The following TBC1D4 variants were observed in gnomAD, a reference collection of about 807,000 sequenced individuals.
TBC1D4 encodes TBC (Tre-2, BUB2, CDC16) domain-containing protein.
In TBC1D4, 121 loss-of-function variants were observed where a neutral mutation model predicts 142.5. The observed-to-expected ratio is 0.85, with a 90% CI of 0.73 to 0.99. The LOEUF (loss-of-function observed/expected upper bound fraction) is 0.99. Among genes scored for constraint, TBC1D4 ranks in the 50% least tolerant of loss-of-function variants. The pLI is 0.00. For missense variants in TBC1D4, 1,475 were observed against 1,606.6 expected (o/e 0.92, Z 1.40); for synonymous variants, 630 against 628.2 (o/e 1.00, Z -0.04).
intron 11 of TBC1D4, among the ~76,000 whole-genome samples, chr13:75,321,849 T>C (rs1396227554): frequency 3.3e-5 from 5 of 152,112 alleles, no homozygotes; most frequent in Admixed American, 6.5e-5. Context: ...GAATACTAAA[T>C]AGCAATAAAA....
At chr13:75,352,045 C>T (rs1278032951) in intron 4 of TBC1D4, among the ~76,000 whole-genome samples, 1 of 152,180 alleles carries the variant, frequency 6.6e-6, no homozygotes, top group Non-Finnish European at 1.5e-5. Flanking sequence ...TGTCCCTAGG[C>T]TGAATGATGC....
At chr13:75,425,817 C>T (rs1886351131) in intron 1 of TBC1D4, among the ~76,000 whole-genome samples, 1 of 151,984 alleles carries the variant, frequency 6.6e-6, no homozygotes, top group South Asian at 2.1e-4. Context: ...AGTGTAGAGG[C>T]ACTGATAAGA....
chr13:75,334,450 T>C (rs1263713276), intron 8 of TBC1D4, among the ~76,000 whole-genome samples: 1 of 131,796 alleles, frequency 7.6e-6, no homozygotes, highest in Non-Finnish European at 1.8e-5. Flanking sequence ...ACATATATAT[T>C]TCTATATGAT....
At chr13:75,480,817 G>C (rs968164257) in intron 1 of TBC1D4, among the ~76,000 whole-genome samples, 1 of 152,172 alleles carries the variant, frequency 6.6e-6, no homozygotes, top group Non-Finnish European at 1.5e-5. Context: ...TTGAGAACTA[G>C]TGAGGACCTC....
Position 75,294,403 on chromosome 13 carries a change from A to G in TBC1D4, c.3316+451T>C, listed in dbSNP as rs141626654. 1.5e-4 allele frequency among the ~76,000 whole-genome samples: 23 copies of G among 152,360 alleles called. No individual in the cohort carries two copies. In the East Asian group the frequency reaches 4.2e-3, roughly 28 times the overall value. On this transcript the variant is annotated intron_variant, in intron 18 of 20. Coordinates refer to ENST00000377636, the MANE Select transcript of TBC1D4 (RefSeq NM_014832.5). ...CAGGATGTAAAGTTATTCTGTTAAC[A>G]ACAAAAAGTCAGGTTAAGAAATGCC...
chr13:75,309,174 A>T (rs1877492461), intron 14 of TBC1D4, among the ~76,000 whole-genome samples: 1 of 152,162 alleles, frequency 6.6e-6, no homozygotes, highest in South Asian at 2.1e-4. Context: ...TCCCAAAATA[A>T]TGAAATTTAT....
chr13:75,302,732 T>C, intron 15 of TBC1D4: 1 of 365,974 alleles, frequency 2.7e-6, no homozygotes, highest in East Asian at 6.2e-5. Flanking sequence ...AACTATAAGG[T>C]AGGCAATTAC....
At chr13:75,416,734 T>C (rs1885934995) in intron 1 of TBC1D4, among the ~76,000 whole-genome samples, 1 of 152,154 alleles carries the variant, frequency 6.6e-6, no homozygotes, top group Non-Finnish European at 1.5e-5. Context: ...TAAAATAGTC[T>C]TCATTCGGTA....
At chr13:75,330,184 T>A (rs940675800) in intron 8 of TBC1D4, among the ~76,000 whole-genome samples, 13 of 152,206 alleles carry the variant, frequency 8.5e-5, no homozygotes, top group Non-Finnish European at 1.5e-4. Context: ...TTGCTCCATT[T>A]TCTGAAAGGC....
At position 75,291,099 on chromosome 13, in the gene TBC1D4, G is replaced by A. The variant is rs117296420; in HGVS notation, c.3486+1003C>T. ...ATGAAGAGTCAAGGACTACACATAC[G>A]GTGTGCAGATTACTCTCAATTTGCT... On this transcript the variant is annotated intron_variant, in intron 19 of 20. Transcript: ENST00000377636. Among the ~76,000 whole-genome samples, 285 of 152,172 alleles carry A rather than the reference G, an allele frequency of 1.9e-3. 8 individuals carry two copies. The East Asian group carries it at 0.052, about 28-fold the overall frequency.
At chr13:75,458,363 T>C (rs1042523498) in intron 1 of TBC1D4, among the ~76,000 whole-genome samples, 1 of 152,218 alleles carries the variant, frequency 6.6e-6, no homozygotes, top group Non-Finnish European at 1.5e-5. Context: ...GCTCTGCCAC[T>C]CTGCTGCTCT....
In TBC1D4 at chr13:75,312,778, A is replaced by C. The variant is rs1566366968; in HGVS notation, c.2343T>G (p.Ala781=). 1 of 1,614,242 alleles carries C rather than the reference A, an allele frequency of 6.2e-7. No homozygotes were observed. The highest frequency in any genetic ancestry group is 8.5e-7 in the Non-Finnish European group (1 of 1,180,048). ...CTGAGGGAGATTTGTTCATGGGAGA[A>C]GCAACCCTGAGGAAAATGCGCTGCC... ...SWRQRIFLRV[A]SPMNKSPSAM... Residue 781 remains alanine, a synonymous_variant, in exon 13 of 21, where the codon GCT becomes GCG. Transcript: ENST00000377636.
At chr13:75,468,415 T>C (rs4885295) in intron 1 of TBC1D4, among the ~76,000 whole-genome samples, 140,621 of 152,202 alleles carry the variant, frequency 0.92, 65,951 homozygotes, top group Non-Finnish European at 1. Flanking sequence ...GATATATTTG[T>C]AAAATCATTA....
chr13:75,477,904 G>C (rs764550855), intron 1 of TBC1D4, among the ~76,000 whole-genome samples: 3 of 152,202 alleles, frequency 2.0e-5, no homozygotes, highest in Admixed American at 2.0e-4. Context: ...CTTGACTAGA[G>C]ACAGATCTGC....
chr13:75,339,008 G>C (rs1344673115), intron 7 of TBC1D4, among the ~76,000 whole-genome samples: 1 of 152,138 alleles, frequency 6.6e-6, no homozygotes, highest in African/African-American at 2.4e-5. Context: ...CTCTAGCTTG[G>C]CCTCTCTGAG....
At chr13:75,296,055 C>T (rs1294325521) in intron 17 of TBC1D4, among the ~76,000 whole-genome samples, 1 of 151,352 alleles carries the variant, frequency 6.6e-6, no homozygotes, top group Non-Finnish European at 1.5e-5. Context: ...AAATCAAAAA[C>T]TATGCAAAAA....
At chr13:75,470,528 T>G (rs926677723) in intron 1 of TBC1D4, among the ~76,000 whole-genome samples, 1 of 152,134 alleles carries the variant, frequency 6.6e-6, no homozygotes, top group Non-Finnish European at 1.5e-5. Flanking sequence ...GAGTCCTAAA[T>G]TTGAGAATCT....
chr13:75,336,038 A>G (rs577800376), intron 8 of TBC1D4, among the ~76,000 whole-genome samples: 4 of 152,278 alleles, frequency 2.6e-5, no homozygotes, highest in Admixed American at 1.3e-4. Flanking sequence ...ACTACTAAAT[A>G]TCTATTGCTC....
At chr13:75,352,507 CCTATTT>C (rs1881681212) in intron 4 of TBC1D4, among the ~76,000 whole-genome samples, 1 of 151,850 alleles carries the variant, frequency 6.6e-6, no homozygotes, top group Non-Finnish European at 1.5e-5. Flanking sequence ...ACTCTTTAAA[CCTATTT>C]TAGAGAAAGC....
Sources: gnomAD v4.1 joint callset for allele counts (sites outside exome capture counted in the v4.1 genomes callset) on GRCh38, gnomAD v4.1.1 for gene constraint, MANE v1.5 for transcripts, NCBI Gene and HGNC (gene_info 2026-07-23, HGNC 2026-07-21) for gene names.